Variants in BFSP1 observed in about 807,000 individuals in gnomAD.
The protein encoded by BFSP1 is beaded filament structural protein 1.
Under a neutral mutation model 43.9 loss-of-function variants are expected in BFSP1, and 38 were observed. The observed-to-expected ratio is 0.87, with a 90% CI of 0.67 to 1.14. The LOEUF (loss-of-function observed/expected upper bound fraction) is 1.14, where lower values mean the gene tolerates loss of function less well. BFSP1 is among the 50% of genes most tolerant of loss of function. The pLI, the probability that BFSP1 is intolerant of heterozygous loss-of-function variation, is 0.00. For synonymous variants in BFSP1, 352 were observed against 354.8 expected, an observed-to-expected ratio of 0.99 and a Z score of 0.09; for missense variants, 850 against 875.1, an observed-to-expected ratio of 0.97 and a Z score of 0.36.
At position 17,504,910 on chromosome 20, in the gene BFSP1, T is replaced by G. The variant is rs73900877; in HGVS notation, c.735+3979A>C. ...CAGACACCTTTAGGTGTAAGGTTTT[T>G]TTTTTGTTTTTGTTTTTGTTTTTGT... On this transcript the variant is annotated intron_variant, in intron 5 of 7. Transcript: ENST00000377873. Among the ~76,000 whole-genome samples the G allele has an allele frequency of 1.4e-3, 199 of 139,192 alleles. 2 individuals carry two copies. The highest frequency in any genetic ancestry group is 3.7e-3 in the Middle Eastern group (1 of 272). The allele number at this position is 139,192 out of a possible 152,430, so 91.3% of individuals were successfully genotyped here.
chr20:17,546,689 G>A (rs759972964), intron 1 of BFSP1, among the ~76,000 whole-genome samples: 1 of 151,842 alleles, frequency 6.6e-6, no homozygotes, highest in Non-Finnish European at 1.5e-5. Context: ...GGGCAACAGA[G>A]TGAGACTCCA....
chr20:17,536,038 A>G (rs1486457333), upstream of BFSP1, among the ~76,000 whole-genome samples: 1 of 152,120 alleles, frequency 6.6e-6, no homozygotes, highest in African/African-American at 2.4e-5. Context: ...TCAGCCTCCC[A>G]AAGTGCTGGG....
At chr20:17,495,553 A>G (rs1273801940) in intron 7 of BFSP1, among the ~76,000 whole-genome samples, 1 of 152,060 alleles carries the variant, frequency 6.6e-6, no homozygotes, top group Non-Finnish European at 1.5e-5. Flanking sequence ...CGGTGGATCT[A>G]CCTCATTCCA....
At chr20:17,557,004 GGCA>G (rs2035003429) in intron 1 of BFSP1, among the ~76,000 whole-genome samples, 2 of 152,146 alleles carry the variant, frequency 1.3e-5, no homozygotes, top group Admixed American at 1.3e-4. Context: ...CTCTCTCCCT[GGCA>G]GCCAGCGAGG....
rs527575502 is a variant in BFSP1, at chr20:17,507,846, C to T, written c.735+1043G>A. Among the ~76,000 whole-genome samples, 12 of 152,220 alleles carry T rather than the reference C, an allele frequency of 7.9e-5. No homozygotes were observed. Among genetic ancestry groups the T allele is most frequent in the Admixed American group, 3.3e-4 (5 of 15,286 alleles). ...TCAGTTCAGGGGACCACCACAGACC[C>T]GGGTTTGCTTTCCAGCAGCCCCTGA... On this transcript the variant is annotated intron_variant, in intron 5 of 7. Transcript: ENST00000377873. This position sits in a 1 kb window ranked among gnomAD's most constrained non-coding sequence, Gnocchi z 4.4.
chr20:17,527,749 TAAGA>T (rs1477703770), intron 1 of BFSP1, among the ~76,000 whole-genome samples: 1 of 112,264 alleles, frequency 8.9e-6, no homozygotes, highest in African/African-American at 4.3e-5. Context: ...TAAAATAAAA[TAAGA>T]GAGAGAGAGA....
rs539167972 is a variant in BFSP1, at chr20:17,567,953, GA to G, written n.50+1217del. Among the ~76,000 whole-genome samples the G allele has an allele frequency of 6.4e-3, 870 of 135,726 alleles. 3 individuals are homozygous for G. Among genetic ancestry groups the G allele is most frequent in the African/African-American group, 0.015 (543 of 37,144 alleles). 89.0% of individuals were successfully genotyped at this position (135,726 alleles called of 152,430 possible). A position where few individuals can be genotyped will look rare whatever the true frequency, so the allele number is the denominator to read the frequency against. Reference sequence around the variant, plus strand: ...AGGAGTTGTAAGGGGTACGGGGCACGAAAAAAAAAAAAAGAAGGAACTACTA... The same window carrying G: ...AGGAGTTGTAAGGGGTACGGGGCACGAAAAAAAAAAAAGAAGGAACTACTA... On this transcript the variant is annotated intron_variant and non_coding_transcript_variant, in intron 1 of 6. Coordinates refer to the BFSP1 transcript ENST00000473415.
chr20:17,547,879 T>A (rs530262532), intron 1 of BFSP1, among the ~76,000 whole-genome samples: 82 of 149,838 alleles, frequency 5.5e-4, no homozygotes, highest in African/African-American at 1.9e-3. Flanking sequence ...TACAGGCTTA[T>A]GCCACCATGC....
At chr20:17,517,022 C>G in intron 2 of BFSP1, 1 of 838,358 alleles carries the variant, frequency 1.2e-6, no homozygotes, top group African/African-American at 1.7e-5. Flanking sequence ...CTGACTACAA[C>G]ATTCAAAAGG....
At chr20:17,521,983 T>C (rs1009454489) in intron 2 of BFSP1, among the ~76,000 whole-genome samples, 1 of 152,174 alleles carries the variant, frequency 6.6e-6, no homozygotes, top group African/African-American at 2.4e-5. Flanking sequence ...GCTTCTGGAC[T>C]ATACTGATGT....
At position 17,494,892 on chromosome 20, in the gene BFSP1, A is replaced by G; in HGVS notation, c.1180T>C (p.Leu394=). Residue 394 remains leucine, a synonymous_variant, in exon 8 of 8, where the codon TTG becomes CTG. Coordinates refer to ENST00000377873, the MANE Select transcript of BFSP1 (RefSeq NM_001195.5). ...GALEDAPLKG[L]EDTKLVQVVL... ...ACCTGTACCAGCTTTGTGTCTTCCA[A>G]ACCTTTTAATGGTGCATCTTCCAGA... is the stretch of plus-strand genomic sequence containing the variant. 1 of 1,614,156 alleles carries G rather than the reference A, an allele frequency of 6.2e-7. No homozygotes were observed. Among genetic ancestry groups the G allele is most frequent in the Non-Finnish European group, 8.5e-7 (1 of 1,180,038 alleles).
At chr20:17,511,683 C>T (rs946439793) in intron 4 of BFSP1, among the ~76,000 whole-genome samples, 8 of 152,198 alleles carry the variant, frequency 5.3e-5, no homozygotes, top group Admixed American at 3.9e-4. Flanking sequence ...CTTTGGAAAG[C>T]AGCTTGGTCA....
In BFSP1 at chr20:17,512,008, G is replaced by C. The variant is rs2034093666; in HGVS notation, c.595C>G (p.Pro199Ala). ...ILQQIIHTTP[P>A]ASIVTSGMRE... ...ATCCCACTCGTCACAATGGATGCTG[G>C]AGGAGTGGTGTGGATGATCTGCTGC... is the stretch of plus-strand genomic sequence containing the variant. The change falls in exon 4 of 8, where the codon CCA becomes GCA. Residue 199 changes from proline (P) to alanine (A), a missense_variant. Physicochemically the swap from Pro to Ala is conservative, Grantham distance 27. Transcript: ENST00000377873. 6.2e-7 allele frequency: 1 copy of C among 1,612,180 alleles called. No individual in the cohort carries two copies. Among genetic ancestry groups the C allele is most frequent in the Non-Finnish European group, 8.5e-7 (1 of 1,178,264 alleles).
At chr20:17,509,932 G>A (rs557351658) in intron 4 of BFSP1, among the ~76,000 whole-genome samples, 7 of 152,282 alleles carry the variant, frequency 4.6e-5, no homozygotes, top group Admixed American at 2.0e-4. Flanking sequence ...ACATTGACTC[G>A]AAGCCATGCA....
At chr20:17,504,121 G>A (rs1200384472) in intron 5 of BFSP1, among the ~76,000 whole-genome samples, 1 of 152,168 alleles carries the variant, frequency 6.6e-6, no homozygotes, top group South Asian at 2.1e-4. Context: ...GAGATCCTCT[G>A]CTGGAACACT....
intron 5 of BFSP1, among the ~76,000 whole-genome samples, chr20:17,502,802 C>T (rs950249036): frequency 2.6e-5 from 4 of 152,278 alleles, no homozygotes; most frequent in African/African-American, 7.2e-5. Flanking sequence ...ACAAGTCAGA[C>T]ACACTAACGC....
At position 17,524,864 on chromosome 20, in the gene BFSP1, A is replaced by G. The variant is rs779042617; in HGVS notation, c.422T>C (p.Leu141Pro). ...TCCGCTCACCTTGTTAAGCCGTTCA[A>G]GCATTTCTTTTAGCAGGAGTTGACA... The part of the protein sequence containing the change: ...CECQLLLKEM[L>P]ERLNKEADEA... The change falls in exon 2 of 8, where the codon CTT becomes CCT. Residue 141 changes from leucine (L) to proline (P), a missense_variant. Leu to Pro is a moderately conservative substitution (Grantham distance 98, BLOSUM62 -3). Coordinates refer to ENST00000377873, the MANE Select transcript of BFSP1 (RefSeq NM_001195.5). The G allele has an allele frequency of 6.2e-7, 1 of 1,614,162 alleles. No homozygotes were observed.
At chr20:17,516,214 C>T (rs1194140973) in intron 2 of BFSP1, among the ~76,000 whole-genome samples, 1 of 152,170 alleles carries the variant, frequency 6.6e-6, no homozygotes, top group East Asian at 1.9e-4. Flanking sequence ...GTAATCCCAG[C>T]TACTCAGGAG....
chr20:17,550,063 A>G (rs751596310), intron 1 of BFSP1, among the ~76,000 whole-genome samples: 30 of 152,246 alleles, frequency 2.0e-4, no homozygotes, highest in Non-Finnish European at 3.4e-4. Flanking sequence ...ATGAGGTAGT[A>G]CCACTCGGGA....
Sources: allele counts gnomAD v4.1 joint callset (sites outside exome capture counted in the v4.1 genomes callset), GRCh38; gene constraint gnomAD v4.1.1; non-coding constraint Gnocchi (gnomAD v3.1); transcripts MANE v1.5; gene names NCBI Gene and HGNC (gene_info 2026-07-23, HGNC 2026-07-21).